Variants in GPR39 observed in about 807,000 individuals in gnomAD.
The protein encoded by GPR39 is G protein-coupled receptor 39, also known as zinc sensing receptor.
In GPR39, 23 loss-of-function variants were observed where a neutral mutation model predicts 18.4. The observed-to-expected ratio is 1.25, with a 90% confidence interval of 0.90 to 1.77. The LOEUF (loss-of-function observed/expected upper bound fraction) is 1.77, where lower values mean the gene tolerates loss of function less well. GPR39 is among the 40% of genes most tolerant of loss of function. GPR39 has a pLI of 0.00. For missense variants in GPR39, 647 were observed against 602.4 expected (o/e 1.07, Z -0.78); for synonymous variants, 280 against 257.9 (o/e 1.09, Z -0.82).
At chr2:132,598,455 G>A (rs1680985229) in intron 1 of GPR39, among the ~76,000 whole-genome samples, 2 of 63,198 alleles carry the variant, frequency 3.2e-5, no homozygotes, top group African/African-American at 7.0e-5. Context: ...TTTTTTTTAA[G>A]CAATGGGGTT....
Position 132,477,385 on chromosome 2 carries a change from A to G in GPR39, c.856+59487A>G, listed in dbSNP as rs571482511. On this transcript the variant is annotated intron_variant, in intron 1 of 1. Coordinates refer to ENST00000329321, the MANE Select transcript of GPR39 (RefSeq NM_001508.3). ...ACAACAGGGCCAGCCTGAGCAACAT[A>G]GTGATATCCCATCTCTACAAAAGAG... Among the ~76,000 whole-genome samples the G allele has an allele frequency of 7.9e-5, 12 of 152,254 alleles. 1 individual carries two copies. The South Asian group carries it at 2.1e-3, about 26-fold the overall frequency.
chr2:132,605,690 G>T (rs776212015), intron 1 of GPR39, among the ~76,000 whole-genome samples: 3 of 152,190 alleles, frequency 2.0e-5, no homozygotes, highest in Admixed American at 1.3e-4. Context: ...CTATTTGGCA[G>T]TGGGATTTAA....
chr2:132,564,507 C>T lies in GPR39; in HGVS notation c.857-80594C>T, dbSNP rs1442682137. Among the ~76,000 whole-genome samples the T allele has an allele frequency of 3.3e-5, 5 of 152,124 alleles. No homozygotes were observed. The East Asian group carries it at 5.8e-4, about 18-fold the overall frequency. ...TATCAACATGTCCAACCTGAGTTGGCGCACTGCCCCGAGTAGGTAAGGAGG... is the reference window on the plus strand; with the variant it reads ...TATCAACATGTCCAACCTGAGTTGGTGCACTGCCCCGAGTAGGTAAGGAGG... On this transcript the variant is annotated intron_variant, in intron 1 of 1. Coordinates refer to ENST00000329321, the MANE Select transcript of GPR39 (RefSeq NM_001508.3).
chr2:132,506,790 T>C (rs921774990), intron 1 of GPR39, among the ~76,000 whole-genome samples: 1 of 152,104 alleles, frequency 6.6e-6, no homozygotes, highest in Admixed American at 6.6e-5. Flanking sequence ...CAATTCAAGA[T>C]GAGACTTGGG....
chr2:132,472,475 G>T (rs1430648201), intron 1 of GPR39, among the ~76,000 whole-genome samples: 1 of 152,090 alleles, frequency 6.6e-6, no homozygotes, highest in African/African-American at 2.4e-5. Context: ...CTTCCTGGGA[G>T]GCCACTCTTG....
Position 132,417,754 on chromosome 2 carries a change from G to A in GPR39, c.712G>A (p.Val238Ile), listed in dbSNP as rs750516140. The stretch of plus-strand genomic sequence containing the variant: ...GGTCTACCTCGTGGTCCTGCTCTCC[G>A]TAGCCTTCATGTGCTGGAACATGAT... ...FVVYLVVLLS[V>I]AFMCWNMMQV... is the part of the protein sequence containing the mutation. Residue 238 changes from valine (V) to isoleucine (I), a missense_variant, in exon 1 of 2, where the codon GTA (valine) becomes ATA (isoleucine). This residue lies in a region of GPR39 where 581 missense variants were observed against 506.8 expected (regional missense o/e 1.15). Transcript: ENST00000329321. 19 of 1,614,000 alleles carry A rather than the reference G, an allele frequency of 1.2e-5. No homozygotes were observed. Among genetic ancestry groups the A allele is most frequent in the Non-Finnish European group, 1.6e-5 (19 of 1,180,034 alleles).
intron 1 of GPR39, among the ~76,000 whole-genome samples, chr2:132,450,873 T>C (rs1573608192): frequency 6.6e-6 from 1 of 152,228 alleles, no homozygotes; most frequent in African/African-American, 2.4e-5. Flanking sequence ...GAACCAATTA[T>C]GGTCTGGAAC....
intron 1 of GPR39, among the ~76,000 whole-genome samples, chr2:132,506,220 A>C (rs1034887979): frequency 6.6e-6 from 1 of 151,912 alleles, no homozygotes; most frequent in Non-Finnish European, 1.5e-5. Flanking sequence ...ATGTCTATGC[A>C]TGTCCTTTGC....
In GPR39 at chr2:132,643,855, G is replaced by T. The variant is rs1681923147; in HGVS notation, c.857-1246G>T. Reference sequence around the variant, plus strand: ...AATAGAATATTTACCATGGGTCATAGGCAGGAAGCATTCATTGCCAACTGT... The same window carrying T: ...AATAGAATATTTACCATGGGTCATATGCAGGAAGCATTCATTGCCAACTGT... On this transcript the variant is annotated intron_variant, in intron 1 of 1. Transcript: ENST00000329321. Among the ~76,000 whole-genome samples, 4 of 152,326 alleles carry T rather than the reference G, an allele frequency of 2.6e-5. No individual in the cohort carries two copies. The South Asian group carries it at 8.3e-4, about 32-fold the overall frequency.
At chr2:132,601,089 T>C (rs60014157) in intron 1 of GPR39, among the ~76,000 whole-genome samples, 2 of 152,146 alleles carry the variant, frequency 1.3e-5, no homozygotes, top group African/African-American at 4.8e-5. Context: ...TTCCCCAAAA[T>C]TGAAGAGGCA....
intron 1 of GPR39, among the ~76,000 whole-genome samples, chr2:132,454,181 T>A (rs1391343453): frequency 6.6e-6 from 1 of 152,218 alleles, no homozygotes; most frequent in Non-Finnish European, 1.5e-5. Flanking sequence ...TAGTTCTCCT[T>A]GAAGAGGTCC....
At chr2:132,547,272 G>T (rs1030235071) in intron 1 of GPR39, among the ~76,000 whole-genome samples, 2 of 152,142 alleles carry the variant, frequency 1.3e-5, no homozygotes, top group African/African-American at 2.4e-5. Context: ...GACAAAAATG[G>T]GTTCCATACA....
chr2:132,644,281 G>A (rs1273581484), intron 1 of GPR39, among the ~76,000 whole-genome samples: 2 of 152,216 alleles, frequency 1.3e-5, no homozygotes, highest in African/African-American at 4.8e-5. Context: ...TCTACAGAAG[G>A]GCCTTTGAGT....
At chr2:132,630,831 C>A (rs1681638168) in intron 1 of GPR39, among the ~76,000 whole-genome samples, 1 of 152,122 alleles carries the variant, frequency 6.6e-6, no homozygotes, top group Non-Finnish European at 1.5e-5. Context: ...AGCTAGAAAA[C>A]CTCAATGCAT....
intron 1 of GPR39, among the ~76,000 whole-genome samples, chr2:132,595,141 G>A (rs898574946): frequency 8.5e-5 from 13 of 152,100 alleles, no homozygotes; most frequent in South Asian, 8.3e-4. Context: ...TGGACTTACC[G>A]GCGTACGCTA....
chr2:132,573,063 G>A (rs978431371), intron 1 of GPR39, among the ~76,000 whole-genome samples: 1 of 152,112 alleles, frequency 6.6e-6, no homozygotes, highest in Non-Finnish European at 1.5e-5. Flanking sequence ...GCCATGGGCT[G>A]TATGTCCCAT....
intron 1 of GPR39, among the ~76,000 whole-genome samples, chr2:132,461,516 T>A (rs541956414): frequency 6.6e-6 from 1 of 152,358 alleles, no homozygotes; most frequent in South Asian, 2.1e-4. Flanking sequence ...TTTAAAATAA[T>A]CTCAGGCTGC....
At chr2:132,599,859 G>C (rs1681008954) in intron 1 of GPR39, among the ~76,000 whole-genome samples, 1 of 152,172 alleles carries the variant, frequency 6.6e-6, no homozygotes, top group Non-Finnish European at 1.5e-5. Flanking sequence ...ACCTGCCGTG[G>C]ATGTGATCTC....
chr2:132,545,653 G>GGTGTGTGTGTGTGTGTGT lies in GPR39; in HGVS notation c.857-99447_857-99446insTGTGTGTGTGTGTGTGTG, dbSNP rs5834318. Among the ~76,000 whole-genome samples, 1,144 of 134,750 alleles carry GGTGTGTGTGTGTGTGTGT rather than the reference G, an allele frequency of 8.5e-3. 20 individuals are homozygous for GGTGTGTGTGTGTGTGTGT. Among genetic ancestry groups the GGTGTGTGTGTGTGTGTGT allele is most frequent in the African/African-American group, 0.028 (1,099 of 39,802 alleles). The allele number at this position is 134,750 out of a possible 152,430, so 88.4% of individuals were successfully genotyped here. A position where few individuals can be genotyped will look rare whatever the true frequency, so the allele number is the denominator to read the frequency against. The stretch of plus-strand genomic sequence containing the variant: ...ATCTTATAATCCACGATGTGTGATG[G>GGTGTGTGTGTGTGTGTGT]GCGTGTGTGTGTGTGTGTGTGTGTG... On this transcript the variant is annotated intron_variant, in intron 1 of 1. Transcript: ENST00000329321.
Sources: gnomAD v4.1 joint callset for allele counts (sites outside exome capture counted in the v4.1 genomes callset) on GRCh38, gnomAD v4.1.1 for gene constraint, gnomAD v4.1.1 regional missense constraint, MANE v1.5 for transcripts, NCBI Gene and HGNC (gene_info 2026-07-23, HGNC 2026-07-21) for gene names.